The following PIK3C2G variants were observed in gnomAD, a reference collection of about 807,000 sequenced individuals.
PIK3C2G encodes the protein phosphatidylinositol 3-kinase C2 domain-containing subunit gamma.
PIK3C2G carries 168 observed loss-of-function variants against 181.1 expected under a neutral mutation model. The observed-to-expected ratio is 0.93, with a 90% CI of 0.82 to 1.05. PIK3C2G has a LOEUF of 1.05. Ranked by LOEUF, PIK3C2G falls within the 50% of genes least tolerant of loss-of-function variation. The pLI, the probability that PIK3C2G is intolerant of heterozygous loss-of-function variation, is 0.00. For synonymous variants in PIK3C2G, 573 were observed against 592.2 expected, an observed-to-expected ratio of 0.97 and a Z score of 0.47; for missense variants, 1,869 against 1,732.8, an observed-to-expected ratio of 1.08 and a Z score of -1.40.
At chr12:18,678,886 G>A in the PIK3C2G span, among the ~76,000 whole-genome samples, 1 of 152,124 alleles carries the variant, frequency 6.6e-6, no homozygotes, top group African/African-American at 2.4e-5. Context: ...TTATATGGTA[G>A]GGATGTGCTT....
intron 18 of PIK3C2G, among the ~76,000 whole-genome samples, chr12:18,428,711 T>C (rs1257732409): frequency 6.6e-6 from 1 of 152,186 alleles, no homozygotes. Flanking sequence ...CGTGAGTCTC[T>C]TCCACTGGAA....
chr12:18,411,267 GA>G (rs1402077003), intron 16 of PIK3C2G, among the ~76,000 whole-genome samples: 1 of 152,122 alleles, frequency 6.6e-6, no homozygotes, highest in African/African-American at 2.4e-5. Flanking sequence ...GGGTGCTGTA[GA>G]AAGCCTAATG....
At chr12:18,461,155 T>A (rs1395478506) in intron 18 of PIK3C2G, among the ~76,000 whole-genome samples, 2 of 152,300 alleles carry the variant, frequency 1.3e-5, no homozygotes, top group East Asian at 3.9e-4. Flanking sequence ...TATACCTCAC[T>A]TTATTTAAAA....
chr12:18,651,254 C>T (rs1430435199), downstream of PIK3C2G, among the ~76,000 whole-genome samples: 1 of 151,936 alleles, frequency 6.6e-6, no homozygotes, highest in Non-Finnish European at 1.5e-5. Flanking sequence ...TATCCATTTG[C>T]CTAGCTCCCT....
intron 29 of PIK3C2G, among the ~76,000 whole-genome samples, chr12:18,569,273 A>G (rs2136365343): frequency 6.6e-6 from 1 of 152,100 alleles, no homozygotes; most frequent in African/African-American, 2.4e-5. Flanking sequence ...CCGAAGAGAG[A>G]TATCTAAGGA....
In PIK3C2G at chr12:18,381,757, C is replaced by G; in HGVS notation, c.1881-9C>G. On this transcript the variant is annotated splice_polypyrimidine_tract_variant and intron_variant, in intron 13 of 32. Coordinates refer to ENST00000538779, the MANE Select transcript of PIK3C2G (RefSeq NM_001288772.2). The stretch of plus-strand genomic sequence containing the variant: ...TCCTGTCTGTGTGTGTGTGTGTTGT[C>G]TTTTGCAGAAAATCCATTCTCGGGT... The G allele has an allele frequency of 6.5e-7, 1 of 1,534,068 alleles. No homozygotes were observed. Among genetic ancestry groups the G allele is most frequent in the Non-Finnish European group, 9.0e-7 (1 of 1,107,398 alleles).
intron 26 of PIK3C2G, 33 bp from the exon 27 acceptor site, chr12:18,562,670 T>C (rs1408789982): frequency 5.5e-6 from 7 of 1,276,586 alleles, no homozygotes; most frequent in Non-Finnish European, 7.8e-6. Context: ...CAGAGGAGTG[T>C]CACTCACTAT....
intron 8 of PIK3C2G, among the ~76,000 whole-genome samples, chr12:18,335,713 C>T (rs896400435): frequency 1.3e-5 from 2 of 152,102 alleles, no homozygotes; most frequent in Non-Finnish European, 2.9e-5. Flanking sequence ...TCTGTTGGTT[C>T]TCATATCCAG....
intron 18 of PIK3C2G, among the ~76,000 whole-genome samples, chr12:18,440,547 G>C (rs1249039743): frequency 1.3e-5 from 2 of 152,136 alleles, no homozygotes; most frequent in Non-Finnish European, 2.9e-5. Context: ...AGTGAAGTAA[G>C]AGAGTGAACC....
chr12:18,438,815 C>T (rs4764405), intron 18 of PIK3C2G, among the ~76,000 whole-genome samples: 38,848 of 151,684 alleles, frequency 0.26, 5,434 homozygotes, highest in Admixed American at 0.36. Flanking sequence ...AAAAATTATT[C>T]GACCTCCCTG....
upstream of PIK3C2G, among the ~76,000 whole-genome samples, chr12:18,257,764 A>T (rs201589923): frequency 0.018 from 2,456 of 135,450 alleles, 55 homozygotes; most frequent in African/African-American, 0.059. Context: ...AGGGAGGAAA[A>T]AAAGAAGAAG....
chr12:18,409,628 C>T (rs114145076), intron 16 of PIK3C2G, among the ~76,000 whole-genome samples: 51 of 152,032 alleles, frequency 3.4e-4, no homozygotes, highest in African/African-American at 1.1e-3. Context: ...CAGTCATCCT[C>T]GGAAGGTGGC....
intron 24 of PIK3C2G, among the ~76,000 whole-genome samples, chr12:18,508,141 A>G (rs1941962934): frequency 1.3e-5 from 2 of 152,194 alleles, no homozygotes; most frequent in Non-Finnish European, 2.9e-5. Flanking sequence ...ATTAGTTATT[A>G]ACCACCAGCT....
At chr12:18,532,827 C>T (rs1943629037) in intron 24 of PIK3C2G, among the ~76,000 whole-genome samples, 1 of 150,730 alleles carries the variant, frequency 6.6e-6, no homozygotes, top group South Asian at 2.1e-4. Flanking sequence ...AGTGGTGTCA[C>T]AGTGTCTTCC....
intron 29 of PIK3C2G, 144 bp downstream of exon 29, chr12:18,567,201 A>C: frequency 1.8e-6 from 1 of 559,774 alleles, no homozygotes; most frequent in Non-Finnish European, 3.2e-6. Context: ...AGTTTAAGTC[A>C]ATCCTGGGCC....
chr12:18,663,947 A>G, the PIK3C2G span, among the ~76,000 whole-genome samples: 6 of 152,332 alleles, frequency 3.9e-5, no homozygotes, highest in East Asian at 1.2e-3. Flanking sequence ...GGACTTGAAT[A>G]GACATTTCTC....
intron 29 of PIK3C2G, among the ~76,000 whole-genome samples, chr12:18,567,306 G>A (rs1213664208): frequency 6.6e-6 from 1 of 152,048 alleles, no homozygotes; most frequent in Admixed American, 6.6e-5. Context: ...GGCTGAGGCA[G>A]AAGAATCATT....
intron 18 of PIK3C2G, among the ~76,000 whole-genome samples, chr12:18,428,335 TA>T (rs558543703): frequency 0.13 from 18,788 of 141,842 alleles, 1,201 homozygotes; most frequent in African/African-American, 0.15. Context: ...AAGTCTTATT[TA>T]AAAAAAAAAA....
chr12:18,596,784 A>T (rs1947387024), intron 30 of PIK3C2G, among the ~76,000 whole-genome samples: 1 of 152,104 alleles, frequency 6.6e-6, no homozygotes, highest in Non-Finnish European at 1.5e-5. Context: ...CTCACTAGTT[A>T]ATGGTCTAGC....
Sources: allele counts gnomAD v4.1 joint callset (sites outside exome capture counted in the v4.1 genomes callset), GRCh38; gene constraint gnomAD v4.1.1; transcripts MANE v1.5; gene names NCBI Gene and HGNC (gene_info 2026-07-23, HGNC 2026-07-21).